The following STX8 variants were observed in gnomAD, a reference collection of about 807,000 sequenced individuals.
STX8 encodes syntaxin 8, also known as syntaxin-8.
A neutral mutation model predicts 37.5 loss-of-function variants in STX8; 23 were observed. The observed-to-expected ratio is 0.61, with a 90% CI of 0.44 to 0.87. The LOEUF (loss-of-function observed/expected upper bound fraction) is 0.87. Ranked by LOEUF, STX8 falls within the 40% of genes least tolerant of loss-of-function variation. STX8 has a pLI of 0.00. For missense variants in STX8, 313 were observed against 284.7 expected (o/e 1.10, Z -0.71); for synonymous variants, 115 against 99.1 (o/e 1.16, Z -0.95).
chr17:9,250,518 G>A lies in STX8; in HGVS notation c.*60C>T. The A allele has an allele frequency of 9.0e-6, 13 of 1,451,600 alleles. No individual in the cohort carries two copies. The highest frequency in any genetic ancestry group is 1.2e-5 in the Non-Finnish European group (13 of 1,053,668). 89.9% of individuals were successfully genotyped at this position (1,451,600 alleles called of 1,614,324 possible). On this transcript the variant is annotated 3_prime_UTR_variant, in exon 8 of 8. Transcript: ENST00000306357. ...TGAGAGCAGGTTTTGCGTACCAAAA[G>A]GGTGTTGGGCTTGCATCTGTCATTG...
chr17:9,407,438 A>G (rs1912840300), intron 6 of STX8, among the ~76,000 whole-genome samples: 1 of 152,222 alleles, frequency 6.6e-6, no homozygotes, highest in Non-Finnish European at 1.5e-5. Flanking sequence ...ACCAAACAAT[A>G]GAAATGTGTT....
In STX8 at chr17:9,274,753, T is replaced by TC. The variant is rs1328718335; in HGVS notation, c.644-24109_644-24108insG. 7.4e-5 allele frequency among the ~76,000 whole-genome samples: 9 copies of TC among 122,162 alleles called. No individual in the cohort carries two copies. In the South Asian group the frequency reaches 1.6e-3, roughly 21 times the overall value. 80.1% of individuals were successfully genotyped at this position (122,162 alleles called of 152,430 possible). A position where few individuals can be genotyped will look rare whatever the true frequency, so the allele number is the denominator to read the frequency against. On this transcript the variant is annotated intron_variant, in intron 7 of 7. Transcript: ENST00000306357. Reference sequence around the variant, plus strand: ...AAAAATACAACAATTTCTTTTTTCTTTTTTTTTTTTTTTTTTGAGACGGAG... The same window carrying TC: ...AAAAATACAACAATTTCTTTTTTCTTCTTTTTTTTTTTTTTTTGAGACGGAG...
intron 7 of STX8, among the ~76,000 whole-genome samples, chr17:9,273,052 A>C (rs999268449): frequency 5.2e-5 from 8 of 152,390 alleles, no homozygotes; most frequent in African/African-American, 1.9e-4. Flanking sequence ...GGAAGGGGGA[A>C]AACCGCCCTT....
chr17:9,392,037 C>T (rs1373801653), intron 6 of STX8, among the ~76,000 whole-genome samples: 2 of 152,172 alleles, frequency 1.3e-5, no homozygotes, highest in African/African-American at 4.8e-5. Context: ...GTGGGACAGA[C>T]CCAAACAGTA....
intron 6 of STX8, among the ~76,000 whole-genome samples, chr17:9,434,575 A>G (rs535155310): frequency 6.6e-6 from 1 of 152,308 alleles, no homozygotes; most frequent in Admixed American, 6.5e-5. Context: ...TTCAGAGGTG[A>G]AATCAACTGA....
chr17:9,565,643 C>T (rs962658536), intron 2 of STX8, among the ~76,000 whole-genome samples: 4 of 150,706 alleles, frequency 2.7e-5, no homozygotes, highest in African/African-American at 9.8e-5. Flanking sequence ...AATAGAGTAC[C>T]CAGAAATAAG....
chr17:9,310,009 CAAGTTGACTCT>C (rs1222405304), intron 7 of STX8, among the ~76,000 whole-genome samples: 3 of 151,970 alleles, frequency 2.0e-5, no homozygotes, highest in African/African-American at 7.3e-5. Flanking sequence ...TCTTATTAGT[CAAGTTGACTCT>C]TATTAGTCAA....
intron 6 of STX8, among the ~76,000 whole-genome samples, chr17:9,420,504 C>T (rs1375296427): frequency 6.6e-6 from 1 of 152,188 alleles, no homozygotes; most frequent in Non-Finnish European, 1.5e-5. Flanking sequence ...GCCCACAGCA[C>T]TTTCCCGCAT....
chr17:9,367,069 G>A (rs1911250927), intron 7 of STX8, among the ~76,000 whole-genome samples: 1 of 152,012 alleles, frequency 6.6e-6, no homozygotes, highest in Admixed American at 6.6e-5. Context: ...AAAATAACTT[G>A]GAAATATATA....
At chr17:9,423,988 C>A (rs1313180477) in intron 6 of STX8, among the ~76,000 whole-genome samples, 2 of 152,120 alleles carry the variant, frequency 1.3e-5, no homozygotes, top group Non-Finnish European at 2.9e-5. Flanking sequence ...CACAAGTCAG[C>A]CATGACAGGT....
intron 7 of STX8, among the ~76,000 whole-genome samples, chr17:9,284,738 CTT>C (rs1763242262): frequency 6.6e-6 from 1 of 152,168 alleles, no homozygotes; most frequent in South Asian, 2.1e-4. Context: ...TAAGGACTGA[CTT>C]TATATCTAGA....
intron 6 of STX8, among the ~76,000 whole-genome samples, chr17:9,477,798 G>C (rs1690510636): frequency 6.6e-6 from 1 of 152,206 alleles, no homozygotes; most frequent in African/African-American, 2.4e-5. Context: ...AGGTATGCAT[G>C]TTAAATATGT....
chr17:9,386,220 G>T (rs897370349), intron 6 of STX8, among the ~76,000 whole-genome samples: 5 of 151,908 alleles, frequency 3.3e-5, no homozygotes, highest in Admixed American at 3.3e-4. Context: ...AGCAAATTGG[G>T]GTATATCTGT....
intron 2 of STX8, among the ~76,000 whole-genome samples, chr17:9,558,256 C>G (rs1042491802): frequency 1.3e-5 from 2 of 152,216 alleles, no homozygotes; most frequent in Admixed American, 1.3e-4. Context: ...TGAAATCAGA[C>G]ATATGTTAAA....
intron 2 of STX8, among the ~76,000 whole-genome samples, chr17:9,563,076 T>C (rs984673073): frequency 1.3e-5 from 2 of 152,082 alleles, no homozygotes; most frequent in Non-Finnish European, 2.9e-5. Context: ...GAATATGAAA[T>C]GAAATGTAGA....
At chr17:9,398,492 A>AGG (rs1912487392) in intron 6 of STX8, among the ~76,000 whole-genome samples, 1 of 152,228 alleles carries the variant, frequency 6.6e-6, no homozygotes, top group Non-Finnish European at 1.5e-5. Context: ...GGAGCAACTA[A>AGG]ATATAATGCC....
intron 7 of STX8, among the ~76,000 whole-genome samples, chr17:9,346,376 G>A (rs1910533992): frequency 6.6e-6 from 1 of 151,870 alleles, no homozygotes; most frequent in Non-Finnish European, 1.5e-5. Flanking sequence ...ATTACCACGG[G>A]AGCACACATC....
intron 7 of STX8, among the ~76,000 whole-genome samples, chr17:9,365,360 G>A (rs1346395968): frequency 2.6e-5 from 4 of 152,242 alleles, no homozygotes; most frequent in African/African-American, 9.6e-5. Context: ...CTTAATGCAG[G>A]AAGGTTTCCC....
At chr17:9,268,945 T>C (rs1907335942) in intron 7 of STX8, among the ~76,000 whole-genome samples, 1 of 152,124 alleles carries the variant, frequency 6.6e-6, no homozygotes, top group African/African-American at 2.4e-5. Flanking sequence ...CCCAGCACTT[T>C]GGGAGGCTGA....
Sources: allele counts gnomAD v4.1 joint callset (sites outside exome capture counted in the v4.1 genomes callset), GRCh38; gene constraint gnomAD v4.1.1; transcripts MANE v1.5; gene names NCBI Gene and HGNC (gene_info 2026-07-23, HGNC 2026-07-21).